Variants in CDKAL1 observed in about 807,000 individuals in gnomAD.
CDKAL1 encodes threonylcarbamoyladenosine tRNA methylthiotransferase.
Under a neutral mutation model 68.2 loss-of-function variants are expected in CDKAL1, and 32 were observed. That is an observed-to-expected ratio of 0.47 (90% CI 0.35 to 0.63). CDKAL1 has a LOEUF of 0.63. Ranked by LOEUF, CDKAL1 falls within the 30% of genes least tolerant of loss-of-function variation. The pLI, the probability that CDKAL1 is intolerant of heterozygous loss-of-function variation, is 0.00. For missense variants in CDKAL1, 606 were observed against 696.7 expected, an observed-to-expected ratio of 0.87 and a Z score of 1.47; for synonymous variants, 234 against 244.3, an observed-to-expected ratio of 0.96 and a Z score of 0.39.
intron 6 of CDKAL1, 123 bp from the exon 7 acceptor site, chr6:20,758,472 C>A: frequency 1.5e-6 from 1 of 684,588 alleles, no homozygotes; most frequent in South Asian, 2.2e-5. Context: ...TCTCCAAATA[C>A]ATTAAAGGAA....
chr6:20,939,859 C>A (rs1581872885), intron 9 of CDKAL1, among the ~76,000 whole-genome samples: 1 of 152,134 alleles, frequency 6.6e-6, no homozygotes, highest in East Asian at 1.9e-4. Context: ...CTATTCCACC[C>A]ATGTATGGCA....
At chr6:21,147,500 T>G (rs1455455444) in intron 13 of CDKAL1, among the ~76,000 whole-genome samples, 1 of 152,176 alleles carries the variant, frequency 6.6e-6, no homozygotes, top group African/African-American at 2.4e-5. Context: ...AACTTGTAGC[T>G]CTGTGTCCAT....
At chr6:20,857,409 T>C (rs1581709213) in intron 9 of CDKAL1, among the ~76,000 whole-genome samples, 1 of 152,212 alleles carries the variant, frequency 6.6e-6, no homozygotes, top group East Asian at 1.9e-4. Context: ...ATCTTTCTGA[T>C]TTGTTGACTT....
At chr6:20,600,025 T>C (rs1360925825) in intron 4 of CDKAL1, among the ~76,000 whole-genome samples, 5 of 152,182 alleles carry the variant, frequency 3.3e-5, no homozygotes. Context: ...ATCCTCCCTA[T>C]GTGAATATCA....
chr6:20,771,206 A>G lies in CDKAL1; in HGVS notation c.518-9939A>G, dbSNP rs140926709. Reference sequence around the variant, plus strand: ...ATGTACATTAATACAGTGACTTACAATATAAAATGTACATCCTCTTTGTTT... The same window carrying G: ...ATGTACATTAATACAGTGACTTACAGTATAAAATGTACATCCTCTTTGTTT... On this transcript the variant is annotated intron_variant, in intron 7 of 15. Transcript: ENST00000274695. Among the ~76,000 whole-genome samples, 13 of 152,334 alleles carry G rather than the reference A, an allele frequency of 8.5e-5. 1 individual carries two copies. In the East Asian group the frequency reaches 2.1e-3, roughly 25 times the overall value.
chr6:21,099,217 A>G (rs1773464174), intron 12 of CDKAL1, among the ~76,000 whole-genome samples: 2 of 152,194 alleles, frequency 1.3e-5, no homozygotes, highest in Non-Finnish European at 2.9e-5. Context: ...AAGGGTTAGT[A>G]AACTCTAAAA....
chr6:21,153,162 T>C (rs981716199), intron 13 of CDKAL1, among the ~76,000 whole-genome samples: 3 of 151,970 alleles, frequency 2.0e-5, no homozygotes, highest in African/African-American at 7.2e-5. Flanking sequence ...TTTCTAATAG[T>C]GTTTTGACAT....
intron 13 of CDKAL1, among the ~76,000 whole-genome samples, chr6:21,197,598 T>C (rs914965178): frequency 6.6e-6 from 1 of 152,260 alleles, no homozygotes; most frequent in Non-Finnish European, 1.5e-5. Flanking sequence ...GAATGTTTAT[T>C]ACTATTCTTT....
intron 9 of CDKAL1, among the ~76,000 whole-genome samples, chr6:20,891,591 G>A (rs1761405190): frequency 7.0e-6 from 1 of 143,018 alleles, no homozygotes; most frequent in African/African-American, 2.6e-5. Context: ...CTGGAGTGTA[G>A]TGGCGCAGTC....
At chr6:20,648,255 A>G (rs1768576510) in intron 4 of CDKAL1, among the ~76,000 whole-genome samples, 1 of 150,994 alleles carries the variant, frequency 6.6e-6, no homozygotes, top group South Asian at 2.1e-4. Context: ...AGCCTCCTGA[A>G]TAGCTGAGAG....
At chr6:20,661,612 G>A (rs1769288541) in intron 5 of CDKAL1, among the ~76,000 whole-genome samples, 1 of 150,888 alleles carries the variant, frequency 6.6e-6, no homozygotes, top group South Asian at 2.1e-4. Flanking sequence ...AAAACCAAAT[G>A]AAACTGTAAA....
chr6:20,890,885 C>T (rs570546484), intron 9 of CDKAL1, among the ~76,000 whole-genome samples: 3 of 152,238 alleles, frequency 2.0e-5, no homozygotes, highest in Admixed American at 1.3e-4. Flanking sequence ...TAAGATAATA[C>T]TATTGAATAT....
At chr6:21,161,043 TG>T (rs1023141743) in intron 13 of CDKAL1, among the ~76,000 whole-genome samples, 7 of 151,946 alleles carry the variant, frequency 4.6e-5, no homozygotes, top group South Asian at 2.1e-4. Context: ...TTTTGTTGGC[TG>T]GGGGGGTGCA....
intron 9 of CDKAL1, among the ~76,000 whole-genome samples, chr6:20,888,145 G>A (rs1761185114): frequency 6.6e-6 from 1 of 151,562 alleles, no homozygotes; most frequent in Non-Finnish European, 1.5e-5. Flanking sequence ...CCCATGACAG[G>A]CCCTGGTGTG....
intron 5 of CDKAL1, among the ~76,000 whole-genome samples, chr6:20,687,042 C>G (rs1227825639): frequency 6.6e-6 from 1 of 152,050 alleles, no homozygotes; most frequent in Non-Finnish European, 1.5e-5. Flanking sequence ...AGAGGTAAAT[C>G]CCAGTTAGTC....
chr6:20,884,779 A>G (rs1404928141), intron 9 of CDKAL1, among the ~76,000 whole-genome samples: 8 of 152,198 alleles, frequency 5.3e-5, no homozygotes, highest in Non-Finnish European at 1.2e-4. Context: ...ATCTGAAAGA[A>G]TAAAATACCT....
intron 5 of CDKAL1, among the ~76,000 whole-genome samples, chr6:20,659,422 T>C (rs1769183155): frequency 6.6e-6 from 1 of 152,186 alleles, no homozygotes; most frequent in Non-Finnish European, 1.5e-5. Context: ...CAATCTCCTT[T>C]TTTCAGCTAT....
At chr6:20,768,481 C>T (rs1233329241) in intron 7 of CDKAL1, among the ~76,000 whole-genome samples, 1 of 152,144 alleles carries the variant, frequency 6.6e-6, no homozygotes, top group Non-Finnish European at 1.5e-5. Flanking sequence ...CTTTTTCTTT[C>T]CTTGTGCCCT....
chr6:20,956,987 A>AT lies in CDKAL1; in HGVS notation c.909+1403dup, dbSNP rs1459165056. Among the ~76,000 whole-genome samples the AT allele has an allele frequency of 2.7e-5, 4 of 148,010 alleles. No homozygotes were observed. In the East Asian group the frequency reaches 8.0e-4, roughly 30 times the overall value. ...ACTTAACACTTTGACTCAACACTTG[A>AT]TAAAGCAAAGTGATTCTCTGTAAAA... is the stretch of plus-strand genomic sequence containing the variant. On this transcript the variant is annotated intron_variant, in intron 10 of 15. Coordinates refer to ENST00000274695, the MANE Select transcript of CDKAL1 (RefSeq NM_017774.3).
Sources: allele counts gnomAD v4.1 joint callset (sites outside exome capture counted in the v4.1 genomes callset), GRCh38; gene constraint gnomAD v4.1.1; transcripts MANE v1.5; gene names NCBI Gene and HGNC (gene_info 2026-07-23, HGNC 2026-07-21).